CCDC39: variants seen among roughly 807,000 people sequenced by gnomAD.
CCDC39 encodes the protein coiled-coil domain-containing protein 39.
A neutral mutation model predicts 121.0 loss-of-function variants in CCDC39; 113 were observed. The ratio of observed to expected loss-of-function variants is 0.93; its 90% CI spans 0.80 to 1.09. The LOEUF is 1.09. CCDC39 is among the 50% of genes least tolerant of loss of function. CCDC39 has a pLI of 0.00. For missense variants in CCDC39, 1,063 were observed against 1,074.7 expected (o/e 0.99, Z 0.15); for synonymous variants, 349 against 352.2 (o/e 0.99, Z 0.10).
chr3:180,636,052 G>A (rs977751343), intron 13 of CCDC39, among the ~76,000 whole-genome samples: 11 of 152,150 alleles, frequency 7.2e-5, no homozygotes, highest in Non-Finnish European at 7.3e-5. Flanking sequence ...CATAAGACAA[G>A]GATGCCCTCT....
At chr3:180,652,126 A>C (rs750161694) in intron 8 of CCDC39, 37 bp downstream of exon 8, 1 of 1,111,518 alleles carries the variant, frequency 9.0e-7, no homozygotes, top group South Asian at 1.6e-5. Context: ...TATAGTAAAA[A>C]ATAATCATAA....
chr3:180,666,492 G>C (rs1392791333), intron 1 of CCDC39, among the ~76,000 whole-genome samples: 1 of 152,076 alleles, frequency 6.6e-6, no homozygotes, highest in Non-Finnish European at 1.5e-5. Context: ...CACTGTAACT[G>C]TACTTTTGTC....
chr3:180,641,893 G>A, intron 13 of CCDC39, 100 bp downstream of exon 13: 1 of 776,138 alleles, frequency 1.3e-6, no homozygotes, highest in African/African-American at 1.7e-5. Context: ...TTTCGAATGA[G>A]TAAAAACGAT....
intron 2 of CCDC39, among the ~76,000 whole-genome samples, chr3:180,663,149 G>A (rs977754932): frequency 6.6e-6 from 1 of 151,982 alleles, no homozygotes; most frequent in African/African-American, 2.4e-5. Context: ...TTAATCTCAG[G>A]ATTATTATTA....
intron 1 of CCDC39, among the ~76,000 whole-genome samples, chr3:180,667,458 T>C (rs944571289): frequency 2.0e-5 from 3 of 152,294 alleles, no homozygotes; most frequent in Admixed American, 6.5e-5. Context: ...TATGTCACAT[T>C]CTGGTACCTC....
At chr3:180,618,913 T>C (rs929921799) in intron 16 of CCDC39, among the ~76,000 whole-genome samples, 1 of 152,136 alleles carries the variant, frequency 6.6e-6, no homozygotes, top group Non-Finnish European at 1.5e-5. Flanking sequence ...TACTAGATTA[T>C]TATTTTTTCT....
At chr3:180,632,295 T>G (rs1199435626) in intron 13 of CCDC39, among the ~76,000 whole-genome samples, 4 of 152,212 alleles carry the variant, frequency 2.6e-5, no homozygotes, top group African/African-American at 4.8e-5. Flanking sequence ...TCAGTAAATT[T>G]ATATTTTATG....
rs73051788 is a variant in CCDC39, at chr3:180,669,840, C to T, written c.91-5854G>A. ...CTATAAAAATTTTTAAAAATGTACA[C>T]GTCACAAGGCTGCATCAGATCGTTG... On this transcript the variant is annotated intron_variant, in intron 1 of 19. Coordinates refer to ENST00000476379, the MANE Select transcript of CCDC39 (RefSeq NM_181426.2). Among the ~76,000 whole-genome samples the T allele has an allele frequency of 1.9e-3, 282 of 152,198 alleles. 1 individual carries two copies. The highest frequency in any genetic ancestry group is 6.5e-3 in the African/African-American group (272 of 41,528).
chr3:180,622,959 C>T (rs901253532), intron 14 of CCDC39, among the ~76,000 whole-genome samples: 13 of 151,646 alleles, frequency 8.6e-5, no homozygotes, highest in Non-Finnish European at 1.6e-4. Flanking sequence ...AGCATTCCCT[C>T]CTCCTCAATA....
chr3:180,635,040 TTC>T (rs1481916184), intron 13 of CCDC39, among the ~76,000 whole-genome samples: 47 of 152,318 alleles, frequency 3.1e-4, no homozygotes, highest in Admixed American at 2.7e-3. Context: ...TGACTCACAG[TTC>T]CACATGTCTG....
intron 14 of CCDC39, among the ~76,000 whole-genome samples, chr3:180,623,177 A>T (rs181954863): frequency 6.6e-6 from 1 of 150,618 alleles, no homozygotes; most frequent in African/African-American, 2.4e-5. Flanking sequence ...TCCTGGTTCA[A>T]CCTTGGGAGG....
chr3:180,648,288 T>C lies in CCDC39; in HGVS notation c.1239A>G (p.Thr413=), dbSNP rs373094293. The C allele has an allele frequency of 1.4e-5, 23 of 1,612,832 alleles. No homozygotes were observed. Among genetic ancestry groups the C allele is most frequent in the Non-Finnish European group, 1.8e-5 (21 of 1,179,416 alleles). ...CTGATAAAACAGCTTTTTCTTTCAT[T>C]GTCTCAGTCTGTAACTCCTGAGCTT... ...FKKAQELQTE[T]MKEKAVLSEI... Residue 413 remains threonine (T), a synonymous_variant, in exon 10 of 20, where the codon ACA becomes ACG. Transcript: ENST00000476379.
rs763268079 is a variant in CCDC39, at chr3:180,651,543, G to T, written c.1035-10C>A. 9.3e-6 allele frequency: 14 copies of T among 1,505,466 alleles called. No homozygotes were observed. Among genetic ancestry groups the T allele is most frequent in the Admixed American group, 7.7e-5 (3 of 39,032 alleles). 93.3% of individuals were successfully genotyped at this position (1,505,466 alleles called of 1,614,324 possible). ...TTTAGTTTTTTGTAACCTGAAGAGG[G>T]TTTATCACAAAAAGATAGAAAACGT... On this transcript the variant is annotated splice_polypyrimidine_tract_variant and intron_variant, in intron 8 of 19. Transcript: ENST00000476379.
intron 1 of CCDC39, among the ~76,000 whole-genome samples, chr3:180,670,639 C>CTTTTTTTTTTTTTTTTTTTTTTTTTTCT (rs573623299): frequency 8.3e-6 from 1 of 120,432 alleles, no homozygotes; most frequent in African/African-American, 3.0e-5. Flanking sequence ...TTTTTTTTCT[C>CTTTTTTTTTTTTTTTTTTTTTTTTTTCT]TTTTTTTTTT....
chr3:180,670,425 AG>A (rs1712007844), intron 1 of CCDC39, among the ~76,000 whole-genome samples: 1 of 152,076 alleles, frequency 6.6e-6, no homozygotes, highest in Admixed American at 6.5e-5. Context: ...AAGAAAAGAA[AG>A]GTCTTTATAT....
chr3:180,615,473 A>C (rs1422371411), intron 19 of CCDC39, among the ~76,000 whole-genome samples: 1 of 152,132 alleles, frequency 6.6e-6, no homozygotes, highest in Non-Finnish European at 1.5e-5. Context: ...GAGAAGAGAG[A>C]AGCATATTGA....
chr3:180,676,826 T>C (rs1221847282), intron 1 of CCDC39, among the ~76,000 whole-genome samples: 1 of 151,978 alleles, frequency 6.6e-6, no homozygotes, highest in Non-Finnish European at 1.5e-5. Context: ...AAATGATGAG[T>C]TCATGTCCTT....
intron 14 of CCDC39, among the ~76,000 whole-genome samples, chr3:180,623,731 A>G (rs1438922196): frequency 1.3e-5 from 2 of 152,064 alleles, no homozygotes; most frequent in East Asian, 3.8e-4. Context: ...ATTTAGGAGC[A>G]TATTGTTTAA....
In CCDC39 at chr3:180,672,172, C is replaced by T. The variant is rs111517853; in HGVS notation, c.90+7119G>A. ...AATCCTAAGGCCCTTAAGAATTGTG[C>T]TAAATCTACTCTGCAAGTGCTCTAT... On this transcript the variant is annotated intron_variant, in intron 1 of 19. Coordinates refer to ENST00000476379, the MANE Select transcript of CCDC39 (RefSeq NM_181426.2). Among the ~76,000 whole-genome samples the T allele has an allele frequency of 9.9e-5, 15 of 152,212 alleles. No homozygotes were observed. The South Asian group carries it at 2.7e-3, about 27-fold the overall frequency.
Sources: allele counts gnomAD v4.1 joint callset (sites outside exome capture counted in the v4.1 genomes callset), GRCh38; gene constraint gnomAD v4.1.1; transcripts MANE v1.5; gene names NCBI Gene and HGNC (gene_info 2026-07-23, HGNC 2026-07-21).